PLPPR5: variants seen among roughly 807,000 people sequenced by gnomAD.
The protein encoded by PLPPR5 is phospholipid phosphatase-related protein type 5.
Under a neutral mutation model 33.9 loss-of-function variants are expected in PLPPR5, and 16 were observed. The observed-to-expected ratio is 0.47, with a 90% CI of 0.32 to 0.72. The LOEUF is 0.72. Among genes scored for constraint, PLPPR5 ranks in the 30% least tolerant of loss-of-function variants. PLPPR5 has a pLI of 0.03. For synonymous variants in PLPPR5, 163 were observed against 150.3 expected (o/e 1.08, Z -0.62); for missense variants, 301 against 406.7 (o/e 0.74, Z 2.23).
intron 3 of PLPPR5, among the ~76,000 whole-genome samples, chr1:98,949,002 T>C (rs1054824733): frequency 2.0e-5 from 3 of 152,180 alleles, no homozygotes; most frequent in Non-Finnish European, 4.4e-5. Flanking sequence ...GAGGAGGTCA[T>C]TTCATGTCTG....
chr1:98,899,105 C>G (rs1210666416), intron 5 of PLPPR5, among the ~76,000 whole-genome samples: 1 of 152,080 alleles, frequency 6.6e-6, no homozygotes, highest in Non-Finnish European at 1.5e-5. Flanking sequence ...CCCCAGAGAC[C>G]AGGATTTAAT....
At chr1:98,944,116 A>G (rs561549155) in intron 3 of PLPPR5, among the ~76,000 whole-genome samples, 1 of 152,332 alleles carries the variant, frequency 6.6e-6, no homozygotes, top group Admixed American at 6.5e-5. Flanking sequence ...GGTAAGACAC[A>G]TGCATTCCAG....
chr1:98,991,893 G>A (rs1652464255), intron 1 of PLPPR5, among the ~76,000 whole-genome samples: 2 of 152,164 alleles, frequency 1.3e-5, no homozygotes, highest in Admixed American at 1.3e-4. Context: ...AGGGCTTATA[G>A]CTAGTAAGCA....
chr1:98,891,628 A>G lies in PLPPR5; in HGVS notation c.*1444T>C, dbSNP rs1021876472. The G allele has an allele frequency of 6.6e-6, 1 of 152,028 alleles. No individual in the cohort carries two copies. The highest frequency in any genetic ancestry group is 1.5e-5 in the Non-Finnish European group (1 of 67,980). 9.4% of individuals were successfully genotyped at this position (152,028 alleles called of 1,614,324 possible). Reference sequence around the variant, plus strand: ...GGGTGGAAGGGGAGATGCTGAATTTAGGCTTCTCTTTCACAAAAAGCCTCA... The same window carrying G: ...GGGTGGAAGGGGAGATGCTGAATTTGGGCTTCTCTTTCACAAAAAGCCTCA... On this transcript the variant is annotated 3_prime_UTR_variant, in exon 6 of 6. Transcript: ENST00000263177.
intron 3 of PLPPR5, among the ~76,000 whole-genome samples, chr1:98,929,871 C>T (rs1437415063): frequency 6.6e-6 from 1 of 152,146 alleles, no homozygotes; most frequent in Non-Finnish European, 1.5e-5. Flanking sequence ...CACCACTTAA[C>T]ATTTGTTTTC....
intron 1 of PLPPR5, among the ~76,000 whole-genome samples, chr1:98,987,370 C>T (rs1213666432): frequency 2.6e-5 from 4 of 151,606 alleles, no homozygotes; most frequent in Non-Finnish European, 5.9e-5. Flanking sequence ...AATGAGTGTC[C>T]TAAAATACTG....
chr1:98,980,772 A>G (rs986555000), intron 1 of PLPPR5, among the ~76,000 whole-genome samples: 4 of 152,252 alleles, frequency 2.6e-5, no homozygotes, highest in African/African-American at 9.6e-5. Context: ...AATACAAGTC[A>G]AGGTGAATTA....
chr1:98,928,228 A>G (rs1030793184), intron 3 of PLPPR5, among the ~76,000 whole-genome samples: 2 of 152,004 alleles, frequency 1.3e-5, no homozygotes, highest in Non-Finnish European at 2.9e-5. Context: ...ATGGTACTCA[A>G]CTAGATTATT....
intron 1 of PLPPR5, among the ~76,000 whole-genome samples, chr1:98,978,131 C>T (rs1185832880): frequency 2.6e-5 from 4 of 151,940 alleles, no homozygotes; most frequent in Admixed American, 1.3e-4. Context: ...TTACATTTGA[C>T]AATGAATTCT....
At chr1:98,905,863 T>C (rs1648876731) in intron 5 of PLPPR5, among the ~76,000 whole-genome samples, 1 of 152,184 alleles carries the variant, frequency 6.6e-6, no homozygotes, top group African/African-American at 2.4e-5. Flanking sequence ...TTTATGGTTA[T>C]TTTAATACTT....
At chr1:98,934,781 G>A (rs887690067) in intron 3 of PLPPR5, among the ~76,000 whole-genome samples, 3 of 152,054 alleles carry the variant, frequency 2.0e-5, no homozygotes, top group East Asian at 1.9e-4. Flanking sequence ...CCACCAACCC[G>A]GACGTGAGGG....
At chr1:98,897,956 T>A (rs1381852609) in intron 5 of PLPPR5, among the ~76,000 whole-genome samples, 2 of 152,000 alleles carry the variant, frequency 1.3e-5, no homozygotes, top group Non-Finnish European at 2.9e-5. Flanking sequence ...AAAGGAAAGT[T>A]AAAAAAAGAA....
chr1:98,929,603 C>T (rs926498435), intron 3 of PLPPR5, among the ~76,000 whole-genome samples: 2 of 152,178 alleles, frequency 1.3e-5, no homozygotes, highest in East Asian at 1.9e-4. Flanking sequence ...TCTGAATATG[C>T]TCAGTAACTC....
At chr1:99,001,385 T>C (rs1222314585) in intron 1 of PLPPR5, among the ~76,000 whole-genome samples, 2 of 151,810 alleles carry the variant, frequency 1.3e-5, no homozygotes, top group Non-Finnish European at 2.9e-5. Context: ...TCCACCCGCC[T>C]CAGCCTCCCA....
rs559515018 is a variant in PLPPR5 at position 98,937,866 on chromosome 1, A to G, written c.621+15204T>C. Among the ~76,000 whole-genome samples the G allele has an allele frequency of 2.6e-5, 4 of 152,368 alleles. No individual in the cohort carries two copies. In the South Asian group the frequency reaches 8.3e-4, roughly 32 times the overall value. ...AAACAGAACATTGATATAAGTTGAA[A>G]TAACTGTTGCAGTTATTGTTGAATA... On this transcript the variant is annotated intron_variant, in intron 3 of 5. Transcript: ENST00000263177.
intron 1 of PLPPR5, among the ~76,000 whole-genome samples, chr1:98,961,192 T>G (rs1030127457): frequency 2.6e-5 from 4 of 152,230 alleles, no homozygotes; most frequent in Admixed American, 1.3e-4. Flanking sequence ...AGATGTTTTT[T>G]CTAACAACTC....
At chr1:98,955,683 C>T (rs1008016755) in intron 2 of PLPPR5, among the ~76,000 whole-genome samples, 1 of 151,998 alleles carries the variant, frequency 6.6e-6, no homozygotes, top group Non-Finnish European at 1.5e-5. Context: ...GTGATCTATG[C>T]ATAATATCTT....
intron 2 of PLPPR5, among the ~76,000 whole-genome samples, chr1:98,955,565 G>C (rs1255561020): frequency 3.9e-5 from 6 of 151,986 alleles, no homozygotes; most frequent in Admixed American, 2.6e-4. Flanking sequence ...TACATAACTT[G>C]ATGTCAGTAA....
At chr1:98,911,981 G>A (rs555603236) in intron 5 of PLPPR5, among the ~76,000 whole-genome samples, 33 of 152,140 alleles carry the variant, frequency 2.2e-4, no homozygotes, top group African/African-American at 7.7e-4. Flanking sequence ...ACAGCCCAGG[G>A]TGGTCTCGAA....
Sources: allele counts gnomAD v4.1 joint callset (sites outside exome capture counted in the v4.1 genomes callset), GRCh38; gene constraint gnomAD v4.1.1; transcripts MANE v1.5; gene names NCBI Gene and HGNC (gene_info 2026-07-23, HGNC 2026-07-21).